The following ERBB4 variants were observed in gnomAD, a reference collection of about 807,000 sequenced individuals.
ERBB4 encodes the protein receptor tyrosine-protein kinase erbB-4.
In ERBB4, 42 loss-of-function variants were observed where a neutral mutation model predicts 158.0. The observed-to-expected ratio is 0.27, with a 90% CI of 0.21 to 0.34. ERBB4 has a LOEUF of 0.34. Among genes scored for constraint, ERBB4 ranks in the 10% least tolerant of loss-of-function variants. ERBB4 has a pLI of 1.00. For synonymous variants in ERBB4, 583 were observed against 558.7 expected, an observed-to-expected ratio of 1.04 and a Z score of -0.61; for missense variants, 1,333 against 1,624.1, an observed-to-expected ratio of 0.82 and a Z score of 3.08.
chr2:211,433,333 G>T (rs945019462), intron 20 of ERBB4, among the ~76,000 whole-genome samples: 1 of 151,748 alleles, frequency 6.6e-6, no homozygotes, highest in African/African-American at 2.4e-5. Flanking sequence ...TGTAATACTG[G>T]CACTTTGGGA....
intron 2 of ERBB4, among the ~76,000 whole-genome samples, chr2:212,098,060 G>T (rs536977957): frequency 6.6e-6 from 1 of 152,164 alleles, no homozygotes; most frequent in East Asian, 1.9e-4. Flanking sequence ...AAGAGGGTAT[G>T]GCCAAAATTT....
At chr2:211,393,608 G>C in intron 25 of ERBB4, among the ~76,000 whole-genome samples, 1 of 152,116 alleles carries the variant, frequency 6.6e-6, no homozygotes, top group Non-Finnish European at 1.5e-5. Context: ...GGAGGCATCT[G>C]AAACTCATTA....
chr2:212,197,875 A>G (rs898306756), intron 1 of ERBB4, among the ~76,000 whole-genome samples: 1 of 152,192 alleles, frequency 6.6e-6, no homozygotes, highest in Non-Finnish European at 1.5e-5. Flanking sequence ...TTATAACTAG[A>G]GCATTTTCAG....
intron 1 of ERBB4, among the ~76,000 whole-genome samples, chr2:212,405,429 T>C (rs2091318331): frequency 6.6e-6 from 1 of 152,026 alleles, no homozygotes; most frequent in Admixed American, 6.6e-5. Flanking sequence ...AGTACAGTGA[T>C]TCCTCAGAGA....
chr2:212,075,641 T>A (rs886353839), intron 2 of ERBB4, among the ~76,000 whole-genome samples: 2 of 151,934 alleles, frequency 1.3e-5, no homozygotes, highest in African/African-American at 4.8e-5. Context: ...ATTATATGGT[T>A]TATAAATTTC....
intron 1 of ERBB4, among the ~76,000 whole-genome samples, chr2:212,470,757 C>T (rs1664526649): frequency 1.3e-5 from 2 of 152,056 alleles, no homozygotes; most frequent in African/African-American, 4.8e-5. Context: ...GGGGAATATA[C>T]ACTAAAGGGC....
At chr2:211,725,465 G>A (rs2074236251) in intron 5 of ERBB4, among the ~76,000 whole-genome samples, 1 of 148,830 alleles carries the variant, frequency 6.7e-6, no homozygotes, top group Admixed American at 6.9e-5. Context: ...CCAATTTGAA[G>A]TCAGGCACAG....
At chr2:211,451,647 C>T (rs1458886785) in intron 20 of ERBB4, among the ~76,000 whole-genome samples, 1 of 152,094 alleles carries the variant, frequency 6.6e-6, no homozygotes, top group Non-Finnish European at 1.5e-5. Context: ...AAAGCCCTAG[C>T]ATATGAGCTA....
intron 1 of ERBB4, among the ~76,000 whole-genome samples, chr2:212,310,070 T>C (rs532803604): frequency 6.6e-6 from 1 of 150,670 alleles, no homozygotes; most frequent in Non-Finnish European, 1.5e-5. Context: ...AGTAAACAGG[T>C]TTCTATAATA....
At chr2:212,511,416 C>G (rs778119672) in intron 1 of ERBB4, among the ~76,000 whole-genome samples, 1 of 152,096 alleles carries the variant, frequency 6.6e-6, no homozygotes, top group Admixed American at 6.6e-5. Flanking sequence ...AAGAAAGAGT[C>G]GCTTAGTTTA....
chr2:212,059,160 G>A (rs1294173051), intron 2 of ERBB4, among the ~76,000 whole-genome samples: 3 of 152,116 alleles, frequency 2.0e-5, no homozygotes, highest in Admixed American at 6.5e-5. Context: ...GACAATCAGA[G>A]AGCCAAATCA....
In ERBB4 at chr2:212,068,303, C is replaced by T. The variant is rs188279498; in HGVS notation, c.234+56449G>A. ...GAGAGTAATACTGATGCTCTAAGTGCTGGTCACAAAAAGAAGGGAATTGTT... is the reference window on the plus strand; with the variant it reads ...GAGAGTAATACTGATGCTCTAAGTGTTGGTCACAAAAAGAAGGGAATTGTT... On this transcript the variant is annotated intron_variant, in intron 2 of 27. Transcript: ENST00000342788. Among the ~76,000 whole-genome samples the T allele has an allele frequency of 2.6e-3, 388 of 152,038 alleles. 1 individual carries two copies. The highest frequency in any genetic ancestry group is 9.0e-3 in the African/African-American group (372 of 41,516).
chr2:212,373,890 C>CATGTATATATCCAT (rs2090196399), intron 1 of ERBB4, among the ~76,000 whole-genome samples: 1 of 98,600 alleles, frequency 1.0e-5, no homozygotes, highest in African/African-American at 3.7e-5. Flanking sequence ...TGTATATATC[C>CATGTATATATCCAT]ATATATATAT....
chr2:212,482,613 CTTT>C (rs2106165182), intron 1 of ERBB4, among the ~76,000 whole-genome samples: 1 of 152,064 alleles, frequency 6.6e-6, no homozygotes, highest in South Asian at 2.1e-4. Context: ...AACTCAACTT[CTTT>C]GTTTGTTTGT....
intron 2 of ERBB4, among the ~76,000 whole-genome samples, chr2:212,070,512 T>A (rs931771143): frequency 6.6e-6 from 1 of 152,070 alleles, no homozygotes; most frequent in Non-Finnish European, 1.5e-5. Flanking sequence ...TTGAATAGAT[T>A]TAAGAGTTCA....
intron 25 of ERBB4, among the ~76,000 whole-genome samples, chr2:211,412,317 G>A (rs981398899): frequency 1.3e-5 from 2 of 152,138 alleles, no homozygotes; most frequent in African/African-American, 4.8e-5. Flanking sequence ...TTTGTTTGTG[G>A]TGGGGGGTTT....
chr2:211,693,819 G>A (rs1363039850), intron 12 of ERBB4, among the ~76,000 whole-genome samples: 3 of 152,126 alleles, frequency 2.0e-5, no homozygotes, highest in East Asian at 3.9e-4. Context: ...GGTGTTCGCA[G>A]GCTAGTTTCT....
intron 19 of ERBB4, among the ~76,000 whole-genome samples, chr2:211,609,442 A>T (rs2069108413): frequency 6.6e-6 from 1 of 152,142 alleles, no homozygotes; most frequent in Non-Finnish European, 1.5e-5. Flanking sequence ...ACTCAATCAT[A>T]TTTCCATAAG....
intron 2 of ERBB4, among the ~76,000 whole-genome samples, chr2:212,005,977 T>C (rs2076250121): frequency 6.8e-6 from 1 of 146,808 alleles, no homozygotes; most frequent in Non-Finnish European, 1.5e-5. Context: ...TTGCAAAAAT[T>C]TGCTTCTATA....
Sources: gnomAD v4.1 joint callset for allele counts (sites outside exome capture counted in the v4.1 genomes callset) on GRCh38, gnomAD v4.1.1 for gene constraint, MANE v1.5 for transcripts, NCBI Gene and HGNC (gene_info 2026-07-23, HGNC 2026-07-21) for gene names.